Variants in INPP4B observed in about 807,000 individuals in gnomAD.
INPP4B encodes inositol polyphosphate-4-phosphatase type II B.
INPP4B carries 55 observed loss-of-function variants against 122.5 expected under a neutral mutation model. The observed-to-expected ratio is 0.45, with a 90% CI of 0.36 to 0.56. The LOEUF (loss-of-function observed/expected upper bound fraction) is 0.56, where lower values mean the gene tolerates loss of function less well. Ranked by LOEUF, INPP4B falls within the 20% of genes least tolerant of loss-of-function variation. The probability of loss-of-function intolerance (pLI) is 0.00; values close to 1 mark genes in which losing one functional copy is unlikely to be tolerated. For missense variants in INPP4B, 1,000 were observed against 1,097.7 expected (o/e 0.91, Z 1.26); for synonymous variants, 403 against 388.7 (o/e 1.04, Z -0.43).
chr4:142,791,192 A>G (rs926950180), intron 1 of INPP4B, among the ~76,000 whole-genome samples: 5 of 152,120 alleles, frequency 3.3e-5, no homozygotes, highest in Non-Finnish European at 7.4e-5. Flanking sequence ...AAGAAAGGGC[A>G]TGACTTTCTG....
intron 2 of INPP4B, among the ~76,000 whole-genome samples, chr4:142,652,166 G>A (rs1346382203): frequency 5.9e-5 from 9 of 151,980 alleles, no homozygotes; most frequent in South Asian, 2.1e-4. Context: ...GACAAAATTC[G>A]ACAGCCCTTC....
In INPP4B at chr4:142,523,710, G is replaced by A. The variant is rs573651418; in HGVS notation, c.-190-60984C>T. 1.3e-4 allele frequency among the ~76,000 whole-genome samples: 19 copies of A among 151,064 alleles called. No homozygotes were observed. The South Asian group carries it at 3.2e-3, about 25-fold the overall frequency. On this transcript the variant is annotated intron_variant, in intron 2 of 25. Transcript: ENST00000262992. ...TTAGGGTACATGTGCACATTGTGCA[G>A]GTTAGTTACATATGTATACATGTGC...
intron 2 of INPP4B, among the ~76,000 whole-genome samples, chr4:142,537,740 A>AGTGTGTGTGTGTGTGTGTGT (rs72363974): frequency 6.8e-6 from 1 of 146,782 alleles, no homozygotes; most frequent in African/African-American, 2.5e-5. Flanking sequence ...TGTGTATATG[A>AGTGTGTGTGTGTGTGTGTGT]GTGTGTGTGT....
At chr4:142,686,359 T>C (rs1759347416) in intron 2 of INPP4B, among the ~76,000 whole-genome samples, 2 of 152,098 alleles carry the variant, frequency 1.3e-5, no homozygotes, top group African/African-American at 2.4e-5. Context: ...TATGGTGGCA[T>C]GTTGGGTCAA....
intron 1 of INPP4B, among the ~76,000 whole-genome samples, chr4:142,784,389 A>AAATG (rs1483605415): frequency 4.0e-5 from 6 of 149,832 alleles, no homozygotes; most frequent in African/African-American, 1.2e-4. Context: ...ATAAATAAAT[A>AAATG]AATAAATAAA....
intron 2 of INPP4B, among the ~76,000 whole-genome samples, chr4:142,641,534 C>G (rs1750466648): frequency 6.6e-6 from 1 of 151,044 alleles, no homozygotes; most frequent in Non-Finnish European, 1.5e-5. Flanking sequence ...GTTTTTTATC[C>G]TTGCGACAGT....
chr4:142,228,478 C>T (rs1852628213), intron 12 of INPP4B, among the ~76,000 whole-genome samples: 1 of 151,948 alleles, frequency 6.6e-6, no homozygotes, highest in African/African-American at 2.4e-5. Context: ...GTTGTTGTCA[C>T]TGTTTAATTT....
At chr4:142,746,660 G>T (rs1228529399) in intron 1 of INPP4B, among the ~76,000 whole-genome samples, 1 of 152,072 alleles carries the variant, frequency 6.6e-6, no homozygotes, top group Admixed American at 6.6e-5. Flanking sequence ...CATGGTACTG[G>T]TACCAAAACA....
intron 2 of INPP4B, among the ~76,000 whole-genome samples, chr4:142,561,798 G>A (rs373235401): frequency 5.9e-5 from 9 of 152,270 alleles, no homozygotes; most frequent in Admixed American, 3.3e-4. Context: ...ATTCAATATC[G>A]AATTCAATAT....
chr4:142,305,700 C>A (rs760836783), intron 8 of INPP4B, 163 bp from the exon 9 acceptor site: 697 of 1,451,320 alleles, frequency 4.8e-4, no homozygotes, highest in Non-Finnish European at 6.0e-4. Flanking sequence ...ATATATCTAC[C>A]TCATGGGGTA....
chr4:142,713,280 T>G (rs1763338108), intron 2 of INPP4B, among the ~76,000 whole-genome samples: 1 of 152,216 alleles, frequency 6.6e-6, no homozygotes, highest in Non-Finnish European at 1.5e-5. Flanking sequence ...AAGATGTCTC[T>G]GGGGATACAA....
At chr4:142,240,593 T>C (rs1424919766) in intron 11 of INPP4B, among the ~76,000 whole-genome samples, 1 of 152,164 alleles carries the variant, frequency 6.6e-6, no homozygotes, top group Non-Finnish European at 1.5e-5. Context: ...TTTTATGTTA[T>C]GGGTTCTGAT....
chr4:142,253,030 T>C (rs777972688), intron 11 of INPP4B, among the ~76,000 whole-genome samples: 24 of 152,210 alleles, frequency 1.6e-4, no homozygotes, highest in Non-Finnish European at 3.2e-4. Context: ...ATCTGTATAG[T>C]ATGTTACTGT....
intron 14 of INPP4B, among the ~76,000 whole-genome samples, chr4:142,203,734 A>T (rs1376929838): frequency 6.6e-6 from 1 of 152,114 alleles, no homozygotes; most frequent in African/African-American, 2.4e-5. Flanking sequence ...GCTACATATT[A>T]GCCTTGTATC....
chr4:142,645,537 C>A (rs1366100938), intron 2 of INPP4B, among the ~76,000 whole-genome samples: 1 of 152,142 alleles, frequency 6.6e-6, no homozygotes, highest in Non-Finnish European at 1.5e-5. Context: ...GTGATGTTTG[C>A]AACTTCTGTG....
intron 10 of INPP4B, among the ~76,000 whole-genome samples, chr4:142,266,610 T>A (rs2636641): frequency 0.8 from 121,111 of 152,062 alleles, 48,764 homozygotes; most frequent in East Asian, 0.93. Context: ...GGCCTTAATT[T>A]TTTAATGTTC....
intron 7 of INPP4B, among the ~76,000 whole-genome samples, chr4:142,396,468 T>C (rs1439427936): frequency 1.3e-5 from 2 of 152,112 alleles, no homozygotes; most frequent in Admixed American, 1.3e-4. Flanking sequence ...CAATATCATG[T>C]GTTGGAGGAG....
chr4:142,091,578 A>G (rs934458810), intron 23 of INPP4B, among the ~76,000 whole-genome samples: 1 of 152,186 alleles, frequency 6.6e-6, no homozygotes, highest in African/African-American at 2.4e-5. Flanking sequence ...CAGTCTCCTC[A>G]CACACGTGCA....
At chr4:142,511,955 G>C (rs987700892) in intron 2 of INPP4B, among the ~76,000 whole-genome samples, 8 of 152,138 alleles carry the variant, frequency 5.3e-5, no homozygotes, top group African/African-American at 1.9e-4. Context: ...AAAACTTTGA[G>C]ATTTGTTTGA....
Sources: gnomAD v4.1 joint callset for allele counts (sites outside exome capture counted in the v4.1 genomes callset) on GRCh38, gnomAD v4.1.1 for gene constraint, MANE v1.5 for transcripts, NCBI Gene and HGNC (gene_info 2026-07-23, HGNC 2026-07-21) for gene names.